HS6ST3: variants seen among roughly 807,000 people sequenced by gnomAD.
HS6ST3 encodes the protein heparan-sulfate 6-O-sulfotransferase 3.
HS6ST3 carries 12 observed loss-of-function variants against 36.7 expected under a neutral mutation model. That is an observed-to-expected ratio of 0.33 (90% CI 0.21 to 0.53). The LOEUF is 0.53. Ranked by LOEUF, HS6ST3 falls within the 20% of genes least tolerant of loss-of-function variation. HS6ST3 has a pLI of 0.95. For synonymous variants in HS6ST3, 240 were observed against 257.5 expected (o/e 0.93, Z 0.65); for missense variants, 584 against 640.9 (o/e 0.91, Z 0.96).
At chr13:96,806,125 G>A (rs1375753800) in intron 1 of HS6ST3, among the ~76,000 whole-genome samples, 1 of 152,148 alleles carries the variant, frequency 6.6e-6, no homozygotes, top group Non-Finnish European at 1.5e-5. Context: ...GCTAGAGGTG[G>A]GATTGATTCT....
At chr13:96,387,272 A>G (rs952365950) in intron 1 of HS6ST3, among the ~76,000 whole-genome samples, 1 of 152,186 alleles carries the variant, frequency 6.6e-6, no homozygotes, top group Admixed American at 6.5e-5. Flanking sequence ...TTCCCTGAGT[A>G]AAAACTTGAA....
chr13:96,571,985 A>G (rs2056302524), intron 1 of HS6ST3, among the ~76,000 whole-genome samples: 2 of 152,204 alleles, frequency 1.3e-5, no homozygotes, highest in Admixed American at 1.3e-4. Context: ...ATAGAAATAG[A>G]GACCTTGGCA....
chr13:96,770,347 G>C (rs996367945), intron 1 of HS6ST3, among the ~76,000 whole-genome samples: 1 of 152,154 alleles, frequency 6.6e-6, no homozygotes, highest in Non-Finnish European at 1.5e-5. Flanking sequence ...AGTTTCTCTT[G>C]AGCATAATTT....
intron 1 of HS6ST3, among the ~76,000 whole-genome samples, chr13:96,582,241 CAGA>C (rs1236631313): frequency 6.6e-6 from 1 of 152,040 alleles, no homozygotes; most frequent in Non-Finnish European, 1.5e-5. Context: ...TGAGAACCAC[CAGA>C]AGATTTAAAC....
chr13:96,311,426 G>A (rs79149394), intron 1 of HS6ST3, among the ~76,000 whole-genome samples: 3,825 of 152,200 alleles, frequency 0.025, 162 homozygotes, highest in African/African-American at 0.089. Flanking sequence ...GGGGCTGGTG[G>A]GCGCTTTCCA....
rs115684434 is a variant in HS6ST3 at position 96,707,991 on chromosome 13, T to C, written c.708-124499T>C. Reference sequence around the variant, plus strand: ...AGGTTTGCTGATGGCATAATCAGCATCAGTCAGTAAGAGTTGCAAAGGAAT... The same window carrying C: ...AGGTTTGCTGATGGCATAATCAGCACCAGTCAGTAAGAGTTGCAAAGGAAT... On this transcript the variant is annotated intron_variant, in intron 1 of 1. Transcript: ENST00000376705. Among the ~76,000 whole-genome samples the C allele has an allele frequency of 9.4e-3, 1,431 of 152,304 alleles. 21 individuals carry two copies. Among genetic ancestry groups the C allele is most frequent in the African/African-American group, 0.032 (1,322 of 41,570 alleles).
chr13:96,811,057 A>G (rs973622055), intron 1 of HS6ST3, among the ~76,000 whole-genome samples: 2 of 152,068 alleles, frequency 1.3e-5, no homozygotes, highest in Admixed American at 6.5e-5. Context: ...ATAAGGAAAC[A>G]ATGTTCTGCA....
intron 1 of HS6ST3, among the ~76,000 whole-genome samples, chr13:96,299,155 A>G (rs572166573): frequency 6.6e-6 from 1 of 152,326 alleles, no homozygotes; most frequent in African/African-American, 2.4e-5. Context: ...CAAAGACAAG[A>G]GAGTCGCTGC....
chr13:96,600,641 AT>A (rs2138981950), intron 1 of HS6ST3, among the ~76,000 whole-genome samples: 1 of 152,094 alleles, frequency 6.6e-6, no homozygotes, highest in East Asian at 1.9e-4. Context: ...TACCTTTCAA[AT>A]GGGGCATTCA....
At chr13:96,419,862 T>C (rs2055554414) in intron 1 of HS6ST3, among the ~76,000 whole-genome samples, 1 of 152,130 alleles carries the variant, frequency 6.6e-6, no homozygotes, top group Non-Finnish European at 1.5e-5. Context: ...CCAGTTTTGT[T>C]GCTTTAGGGC....
At chr13:96,722,445 T>A (rs1026718135) in intron 1 of HS6ST3, among the ~76,000 whole-genome samples, 1 of 152,206 alleles carries the variant, frequency 6.6e-6, no homozygotes, top group African/African-American at 2.4e-5. Context: ...CTCCTGCTTC[T>A]TTTTTGAATT....
intron 1 of HS6ST3, among the ~76,000 whole-genome samples, chr13:96,259,814 G>A (rs775645014): frequency 5.9e-5 from 9 of 152,250 alleles, no homozygotes; most frequent in South Asian, 4.1e-4. Context: ...TAGCATCTCT[G>A]TCAGAGAAAG....
chr13:96,721,484 G>A (rs2138469052), intron 1 of HS6ST3, among the ~76,000 whole-genome samples: 1 of 152,214 alleles, frequency 6.6e-6, no homozygotes, highest in South Asian at 2.1e-4. Context: ...TCATTTTCAT[G>A]GAAGAAAATG....
chr13:96,132,972 G>A (rs1365965270), intron 1 of HS6ST3, among the ~76,000 whole-genome samples: 1 of 151,768 alleles, frequency 6.6e-6, no homozygotes, highest in Non-Finnish European at 1.5e-5. Flanking sequence ...TTTTAATCGG[G>A]TTATTTGTTT....
intron 1 of HS6ST3, among the ~76,000 whole-genome samples, chr13:96,392,801 C>T (rs1208194438): frequency 6.6e-6 from 1 of 152,100 alleles, no homozygotes; most frequent in East Asian, 1.9e-4. Flanking sequence ...CCTCAAAGGC[C>T]ATGTTGGTGG....
intron 1 of HS6ST3, among the ~76,000 whole-genome samples, chr13:96,604,984 GT>G (rs1289983714): frequency 3.9e-5 from 6 of 152,116 alleles, no homozygotes; most frequent in African/African-American, 1.4e-4. Context: ...CCTGATTGGT[GT>G]AGTGAGAGGT....
intron 1 of HS6ST3, among the ~76,000 whole-genome samples, chr13:96,188,651 A>G (rs9562045): frequency 0.5 from 75,307 of 151,946 alleles, 18,789 homozygotes; most frequent in Middle Eastern, 0.57. Context: ...GTGAGTCCTC[A>G]AAATGGCATT....
At chr13:96,532,962 C>CT (rs2056141506) in intron 1 of HS6ST3, among the ~76,000 whole-genome samples, 1 of 152,142 alleles carries the variant, frequency 6.6e-6, no homozygotes, top group African/African-American at 2.4e-5. Context: ...AAGCTGTCTC[C>CT]AATGTTTCCC....
At chr13:96,250,717 T>C (rs2054603908) in intron 1 of HS6ST3, among the ~76,000 whole-genome samples, 1 of 152,156 alleles carries the variant, frequency 6.6e-6, no homozygotes, top group South Asian at 2.1e-4. Context: ...CTCCAACTTC[T>C]CTCCGTTCGG....
Sources: allele counts gnomAD v4.1 joint callset (sites outside exome capture counted in the v4.1 genomes callset), GRCh38; gene constraint gnomAD v4.1.1; transcripts MANE v1.5; gene names NCBI Gene and HGNC (gene_info 2026-07-23, HGNC 2026-07-21).